The following NOC3L variants were observed in gnomAD, a reference collection of about 807,000 sequenced individuals.
NOC3L encodes NOC3 like DNA replication regulator.
In NOC3L, 85 loss-of-function variants were observed where a neutral mutation model predicts 102.5. That is an observed-to-expected ratio of 0.83 (90% confidence interval 0.70 to 0.99). NOC3L has a LOEUF of 0.99. Among genes scored for constraint, NOC3L ranks in the 50% least tolerant of loss-of-function variants. The pLI is 0.00. For synonymous variants in NOC3L, 303 were observed against 309.4 expected, an observed-to-expected ratio of 0.98 and a Z score of 0.22; for missense variants, 878 against 914.9, an observed-to-expected ratio of 0.96 and a Z score of 0.52.
Position 94,349,983 on chromosome 10 carries a change from C to A in NOC3L, c.1128+130G>T, listed in dbSNP as rs529083942. 3.2e-5 allele frequency: 24 copies of A among 758,692 alleles called. No homozygotes were observed. In the East Asian group the frequency reaches 6.4e-4, roughly 20 times the overall value. 47.0% of individuals were successfully genotyped at this position (758,692 alleles called of 1,614,324 possible). A position where few individuals can be genotyped will look rare whatever the true frequency, so the allele number is the denominator to read the frequency against. Reference sequence around the variant, plus strand: ...CCATGTTAGCTGGGGTGGTCTCGATCTCCTGACCTCGTGATCTGCCTGCCT... The same window carrying A: ...CCATGTTAGCTGGGGTGGTCTCGATATCCTGACCTCGTGATCTGCCTGCCT... On this transcript the variant is annotated intron_variant, in intron 9 of 20. Coordinates refer to ENST00000371361, the MANE Select transcript of NOC3L (RefSeq NM_022451.11).
chr10:94,342,000 C>T (rs1042835113), intron 13 of NOC3L, among the ~76,000 whole-genome samples: 6 of 152,116 alleles, frequency 3.9e-5, no homozygotes, highest in Admixed American at 1.3e-4. Context: ...TCCTTCTGCA[C>T]TGAGAAAGAA....
At chr10:94,315,552 T>C in the NOC3L span, 2 of 454,104 alleles carry the variant, frequency 4.4e-6, no homozygotes, top group Non-Finnish European at 8.8e-6. Flanking sequence ...GCAGATCACT[T>C]GAGGTCAGGA....
chr10:94,355,815 ATTACT>A (rs1263723171), intron 5 of NOC3L, among the ~76,000 whole-genome samples: 4 of 152,262 alleles, frequency 2.6e-5, no homozygotes, highest in Non-Finnish European at 5.9e-5. Context: ...AACACTATAT[ATTACT>A]TTATACAAAC....
intron 5 of NOC3L, among the ~76,000 whole-genome samples, chr10:94,355,768 GTTTTTT>G (rs199854686): frequency 1.3e-5 from 2 of 151,176 alleles, no homozygotes; most frequent in Non-Finnish European, 1.5e-5. Flanking sequence ...ATCCTATTTA[GTTTTTT>G]TTTAAGTACA....
In NOC3L at chr10:94,342,662, A is replaced by AT. The variant is rs553441850; in HGVS notation, c.1572-918dup. On this transcript the variant is annotated intron_variant, in intron 13 of 20. Transcript: ENST00000371361. ...ATATCTATAAAATGGAGCACTATAAATTTTTTAAAAATTAAGTGATATATA... is the reference window on the plus strand; with the variant it reads ...ATATCTATAAAATGGAGCACTATAAATTTTTTTAAAAATTAAGTGATATATA... 1.7e-3 allele frequency among the ~76,000 whole-genome samples: 254 copies of AT among 151,446 alleles called. 1 individual carries two copies. Among genetic ancestry groups the AT allele is most frequent in the African/African-American group, 4.7e-3 (193 of 41,232 alleles).
At chr10:94,337,647 C>A in intron 19 of NOC3L, 130 bp downstream of exon 19, 1 of 592,428 alleles carries the variant, frequency 1.7e-6, no homozygotes, top group East Asian at 2.8e-5. Flanking sequence ...GAATATGAAG[C>A]AAGACCAATC....
chr10:94,350,338 C>T, intron 8 of NOC3L, 50 bp from the exon 9 acceptor site: 2 of 1,517,084 alleles, frequency 1.3e-6, no homozygotes, highest in Non-Finnish European at 1.8e-6. Flanking sequence ...AAAAGTTAAA[C>T]TAATTGGCTT....
chr10:94,326,054 T>C, the NOC3L span, among the ~76,000 whole-genome samples: 1 of 152,182 alleles, frequency 6.6e-6, no homozygotes, highest in African/African-American at 2.4e-5. Flanking sequence ...AATAAAAGCA[T>C]GTGAGGGAAC....
chr10:94,350,062 T>C (rs1564914552), intron 9 of NOC3L, 51 bp downstream of exon 9: 2 of 1,573,222 alleles, frequency 1.3e-6, no homozygotes, highest in Non-Finnish European at 1.7e-6. Context: ...CTGGCCCACA[T>C]GGTGTATAAT....
In NOC3L at chr10:94,358,156, C is replaced by T; in HGVS notation, c.277G>A (p.Asp93Asn). Residue 93 changes from aspartate (D) to asparagine (N), a missense_variant, in exon 3 of 21, where the codon GAT (aspartate) becomes AAT (asparagine). By Grantham distance (23) the Asp-to-Asn change is conservative. Coordinates refer to ENST00000371361, the MANE Select transcript of NOC3L (RefSeq NM_022451.11). ...TTCATTAACTGTAAGTCATCTTCATCCATCATATCTAAAGGAAGGGCTTCT... is the reference window on the plus strand; with the variant it reads ...TTCATTAACTGTAAGTCATCTTCATTCATCATATCTAAAGGAAGGGCTTCT... ...EEEALPLDMM[D>N]EDDLQLMKDL... 3 of 1,611,456 alleles carry T rather than the reference C, an allele frequency of 1.9e-6. No individual in the cohort carries two copies. The highest frequency in any genetic ancestry group is 2.7e-5 in the African/African-American group (2 of 74,998).
the NOC3L span, among the ~76,000 whole-genome samples, chr10:94,319,035 A>C: frequency 6.6e-6 from 1 of 152,150 alleles, no homozygotes; most frequent in Non-Finnish European, 1.5e-5. Flanking sequence ...GTGACAGAGC[A>C]AGACTTCATC....
At chr10:94,362,705 G>A (rs2054565831) in intron 1 of NOC3L, 125 bp downstream of exon 1, 8 of 981,200 alleles carry the variant, frequency 8.2e-6, no homozygotes, top group Non-Finnish European at 1.3e-5. Flanking sequence ...GGAATGGAAA[G>A]CCCCCAGTCT....
intron 14 of NOC3L, 87 bp downstream of exon 14, chr10:94,341,586 T>A: frequency 1.6e-6 from 1 of 626,960 alleles, no homozygotes; most frequent in South Asian, 2.9e-5. Flanking sequence ...TTTTACTGTA[T>A]ACAAAATATA....
chr10:94,361,959 C>T, intron 1 of NOC3L, 87 bp from the exon 2 acceptor site: 1 of 1,006,750 alleles, frequency 9.9e-7, no homozygotes, highest in Non-Finnish European at 1.5e-6. Flanking sequence ...TTTCATTAGA[C>T]CAATTCCACA....
intron 8 of NOC3L, among the ~76,000 whole-genome samples, chr10:94,351,469 T>C (rs1410324865): frequency 6.6e-6 from 1 of 152,230 alleles, no homozygotes; most frequent in Admixed American, 6.5e-5. Context: ...TCCCAAATAA[T>C]TGACTCATAA....
At chr10:94,357,367 T>C (rs373400878) in intron 3 of NOC3L, 36 bp from the exon 4 acceptor site, 41 of 1,502,830 alleles carry the variant, frequency 2.7e-5, no homozygotes, top group Non-Finnish European at 3.5e-5. Context: ...TCAGTCTTAA[T>C]AGATCTAAAA....
intron 2 of NOC3L, 82 bp downstream of exon 2, chr10:94,361,583 A>G: frequency 7.4e-7 from 1 of 1,347,770 alleles, no homozygotes; most frequent in African/African-American, 1.5e-5. Flanking sequence ...AAAAGCGATT[A>G]CTAGAAAGCA....
chr10:94,334,511 T>C (rs1461426100), intron 20 of NOC3L, 123 bp downstream of exon 20: 2 of 725,162 alleles, frequency 2.8e-6, no homozygotes, highest in Non-Finnish European at 4.5e-6. Context: ...ATCCATCCTA[T>C]GATGAAATCC....
At chr10:94,345,091 T>A (rs1329325641) in intron 11 of NOC3L, among the ~76,000 whole-genome samples, 158 bp from the exon 12 acceptor site, 1 of 152,094 alleles carries the variant, frequency 6.6e-6, no homozygotes, top group Non-Finnish European at 1.5e-5. Context: ...ACGGGAAGTA[T>A]ATACAAACCA....
Sources: gnomAD v4.1 joint callset for allele counts (sites outside exome capture counted in the v4.1 genomes callset) on GRCh38, gnomAD v4.1.1 for gene constraint, MANE v1.5 for transcripts, NCBI Gene and HGNC (gene_info 2026-07-23, HGNC 2026-07-21) for gene names.